Variants in TMEM67 observed in about 807,000 individuals in gnomAD.
TMEM67 encodes transmembrane protein 67, also known as meckelin.
TMEM67 carries 124 observed loss-of-function variants against 136.6 expected under a neutral mutation model. That is an observed-to-expected ratio of 0.91 (90% confidence interval 0.78 to 1.05). The LOEUF (loss-of-function observed/expected upper bound fraction) is 1.05. Ranked by LOEUF, TMEM67 falls within the 50% of genes least tolerant of loss-of-function variation. TMEM67 has a pLI of 0.00. For missense variants in TMEM67, 1,107 were observed against 1,178.4 expected, an observed-to-expected ratio of 0.94 and a Z score of 0.89; for synonymous variants, 364 against 390.5, an observed-to-expected ratio of 0.93 and a Z score of 0.80.
chr8:93,765,559 TTTATTTATG>T lies in TMEM67; in HGVS notation c.577-12_577-4del, dbSNP rs1813045076. ...TCATAAGCTTCTATTTTTTCCCTCATTTATTTATGAAGACAGGGGGATTATGTTTCAGCA... is the reference window on the plus strand; with the variant it reads ...TCATAAGCTTCTATTTTTTCCCTCATAAGACAGGGGGATTATGTTTCAGCA... On this transcript the variant is annotated splice_polypyrimidine_tract_variant and splice_region_variant and intron_variant, in intron 5 of 27. Transcript: ENST00000453321. 4 of 1,609,850 alleles carry T rather than the reference TTTATTTATG, an allele frequency of 2.5e-6. No individual in the cohort carries two copies. The highest frequency in any genetic ancestry group is 1.7e-5 in the Admixed American group (1 of 59,994).
At chr8:93,777,588 T>C (rs560978469) in intron 7 of TMEM67, among the ~76,000 whole-genome samples, 37 of 152,336 alleles carry the variant, frequency 2.4e-4, no homozygotes, top group Non-Finnish European at 4.3e-4. Context: ...ACATCTTTAT[T>C]TCTGCCTTCA....
chr8:93,822,519 A>C (rs16916222), downstream of TMEM67, among the ~76,000 whole-genome samples: 4,999 of 152,250 alleles, frequency 0.033, 205 homozygotes, highest in African/African-American at 0.098. Flanking sequence ...GTGCACAGTA[A>C]CCTTTTCAGG....
intron 10 of TMEM67, among the ~76,000 whole-genome samples, chr8:93,782,037 G>T (rs961138605): frequency 7.9e-5 from 12 of 152,036 alleles, no homozygotes; most frequent in Non-Finnish European, 1.5e-4. Flanking sequence ...TCCTGCTTCA[G>T]CTGGGAGCTG....
chr8:93,816,354 A>G lies in TMEM67; in HGVS notation c.2908-18A>G, dbSNP rs758335574. 3.4e-5 allele frequency: 42 copies of G among 1,239,484 alleles called. No individual in the cohort carries two copies. The highest frequency in any genetic ancestry group is 4.8e-5 in the Non-Finnish European group (41 of 854,944). 76.8% of individuals were successfully genotyped at this position (1,239,484 alleles called of 1,614,324 possible). ...CTGTTTATATTTCTTTTCATTCTGA[A>G]TTGTTTTAATTTTCCAGATTTTTAG... On this transcript the variant is annotated intron_variant, in intron 27 of 27. Transcript: ENST00000453321.
At chr8:93,786,461 A>G in intron 13 of TMEM67, 115 bp downstream of exon 13, 1 of 1,211,722 alleles carries the variant, frequency 8.3e-7, no homozygotes, top group Non-Finnish European at 1.2e-6. Flanking sequence ...TGGTCGGGTT[A>G]TTTTAGGTGT....
At chr8:93,790,010 A>G (rs1814304636) in intron 14 of TMEM67, among the ~76,000 whole-genome samples, 1 of 152,086 alleles carries the variant, frequency 6.6e-6, no homozygotes, top group Non-Finnish European at 1.5e-5. Flanking sequence ...CCTGGGATGT[A>G]GAGATGGCAG....
intron 13 of TMEM67, among the ~76,000 whole-genome samples, chr8:93,786,746 C>T (rs1814127613): frequency 6.6e-6 from 1 of 152,162 alleles, no homozygotes; most frequent in Admixed American, 6.5e-5. Flanking sequence ...TTCAACACCT[C>T]CCTCTTCCTA....
At chr8:93,772,992 G>A (rs192394112) in intron 7 of TMEM67, among the ~76,000 whole-genome samples, 99 of 152,216 alleles carry the variant, frequency 6.5e-4, no homozygotes, top group African/African-American at 2.3e-3. Flanking sequence ...CCTTCATGGA[G>A]TTACAGCCTA....
chr8:93,787,839 A>G lies in TMEM67; in HGVS notation c.1413-5A>G, dbSNP rs1563464357. The G allele has an allele frequency of 6.2e-7, 1 of 1,606,262 alleles. No individual in the cohort carries two copies. The highest frequency in any genetic ancestry group is 8.5e-7 in the Non-Finnish European group (1 of 1,172,874). On this transcript the variant is annotated splice_region_variant and splice_polypyrimidine_tract_variant and intron_variant, in intron 13 of 27. Transcript: ENST00000453321. ...ATTACTATAAATGCATTTTCTTTTA[A>G]ATAGTGTCCACCTTGTACCCAACAC...
At chr8:93,809,979 T>C (rs1808636386) in intron 26 of TMEM67, 92 bp downstream of exon 26, 4 of 823,076 alleles carry the variant, frequency 4.9e-6, no homozygotes, top group East Asian at 2.7e-5. Flanking sequence ...TTCTTTTTTT[T>C]TTTTTTTTAG....
chr8:93,815,353 CTCT>C lies in TMEM67; in HGVS notation c.2818_2820del (p.Leu940del). On this transcript the variant is annotated inframe_deletion, in exon 27 of 28. Coordinates refer to ENST00000453321, the MANE Select transcript of TMEM67 (RefSeq NM_153704.6). ...GTCCTGTATTATGGAAATGAAGCTA[CTCT>C]TCTTATTTTTGATCTGCTGTTCTTC... is the stretch of plus-strand genomic sequence containing the variant. The C allele has an allele frequency of 6.2e-7, 1 of 1,610,598 alleles. No individual in the cohort carries two copies. Among genetic ancestry groups the C allele is most frequent in the Non-Finnish European group, 8.5e-7 (1 of 1,177,832 alleles).
At chr8:93,784,559 A>G (rs1259659804) in intron 11 of TMEM67, among the ~76,000 whole-genome samples, 2 of 152,254 alleles carry the variant, frequency 1.3e-5, no homozygotes, top group East Asian at 3.8e-4. Context: ...GTGTCATTCT[A>G]TAGGTATGTA....
chr8:93,826,159 A>G, the TMEM67 span, among the ~76,000 whole-genome samples: 1 of 81,538 alleles, frequency 1.2e-5, no homozygotes, highest in Non-Finnish European at 2.2e-5. Context: ...TTTGAGTCGG[A>G]GTCTCTTTCA....
intron 21 of TMEM67, among the ~76,000 whole-genome samples, chr8:93,801,932 T>C (rs954765559): frequency 6.6e-6 from 1 of 152,178 alleles, no homozygotes; most frequent in African/African-American, 2.4e-5. Context: ...TTATCATCAA[T>C]GTTAAGGAAA....
At chr8:93,814,466 T>C (rs1248555732) in intron 26 of TMEM67, among the ~76,000 whole-genome samples, 2 of 150,528 alleles carry the variant, frequency 1.3e-5, no homozygotes, top group Admixed American at 6.6e-5. Flanking sequence ...GGGCTTTTTT[T>C]TGTTTTTTTT....
rs371342251 is a variant in TMEM67, at chr8:93,781,573, A to T, written c.979-85A>T. ...TGAATGTAATTTTTCAACAAAAAAG[A>T]TCAGTCAACAATGAAAATTTCTTTA... is the stretch of plus-strand genomic sequence containing the variant. On this transcript the variant is annotated intron_variant, in intron 9 of 27. Transcript: ENST00000453321. 2.7e-5 allele frequency: 16 copies of T among 583,228 alleles called. No homozygotes were observed. In the East Asian group the frequency reaches 4.3e-4, roughly 16 times the overall value. 36.1% of individuals were successfully genotyped at this position (583,228 alleles called of 1,614,324 possible).
chr8:93,814,126 A>G (rs1808804959), intron 26 of TMEM67, among the ~76,000 whole-genome samples: 1 of 140,128 alleles, frequency 7.1e-6, no homozygotes, highest in Non-Finnish European at 1.5e-5. Context: ...CAAGAGTTGT[A>G]TATGTATACT....
chr8:93,809,970 T>TA, intron 26 of TMEM67, 83 bp downstream of exon 26: 12 of 896,398 alleles, frequency 1.3e-5, no homozygotes, highest in Non-Finnish European at 2.1e-5. Context: ...TTTCTTTTTT[T>TA]CTTTTTTTTT....
At chr8:93,826,850 A>G in the TMEM67 span, among the ~76,000 whole-genome samples, 1 of 152,088 alleles carries the variant, frequency 6.6e-6, no homozygotes, top group Non-Finnish European at 1.5e-5. Flanking sequence ...ATTTTTTGAG[A>G]TAGAGTCTCG....
Sources: allele counts gnomAD v4.1 joint callset (sites outside exome capture counted in the v4.1 genomes callset), GRCh38; gene constraint gnomAD v4.1.1; transcripts MANE v1.5; gene names NCBI Gene and HGNC (gene_info 2026-07-23, HGNC 2026-07-21).